The following MAF variants were observed in gnomAD, a reference collection of about 807,000 sequenced individuals.
MAF encodes transcription factor Maf.
Under a neutral mutation model 22.0 loss-of-function variants are expected in MAF, and 10 were observed. The observed-to-expected ratio is 0.45, with a 90% CI of 0.28 to 0.77. The LOEUF (loss-of-function observed/expected upper bound fraction) is 0.77, where lower values mean the gene tolerates loss of function less well. Among genes scored for constraint, MAF ranks in the 30% least tolerant of loss-of-function variants. MAF has a pLI of 0.12. For missense variants in MAF, 544 were observed against 548.4 expected, an observed-to-expected ratio of 0.99 and a Z score of 0.08; for synonymous variants, 337 against 255.8, an observed-to-expected ratio of 1.32 and a Z score of -3.03.
At chr16:79,598,638 T>TAGGGGGCCA (rs1800900827) in intron 1 of MAF, 147 bp downstream of exon 1, 7 of 1,482,298 alleles carry the variant, frequency 4.7e-6, no homozygotes, top group Non-Finnish European at 5.3e-6. Flanking sequence ...TGTGTGTGTG[T>TAGGGGGCCA]AGGGGGCCAA....
At chr16:79,464,521 T>C in the MAF span, among the ~76,000 whole-genome samples, 2 of 152,206 alleles carry the variant, frequency 1.3e-5, no homozygotes, top group Admixed American at 6.5e-5. Context: ...TTTTTAAATG[T>C]CAGTAAGGAA....
At chr16:79,259,062 C>G in the MAF span, among the ~76,000 whole-genome samples, 1 of 152,170 alleles carries the variant, frequency 6.6e-6, no homozygotes, top group African/African-American at 2.4e-5. Flanking sequence ...ATCCTGACAA[C>G]CATCCCCTAA....
At chr16:79,480,653 G>C in the MAF span, among the ~76,000 whole-genome samples, 10 of 152,214 alleles carry the variant, frequency 6.6e-5, no homozygotes, top group Non-Finnish European at 1.3e-4. Context: ...CTCTATCTGA[G>C]ATGGGATCTC....
the MAF span, among the ~76,000 whole-genome samples, chr16:79,443,127 G>A: frequency 6.6e-6 from 1 of 152,106 alleles, no homozygotes; most frequent in Non-Finnish European, 1.5e-5. Flanking sequence ...TCTAATGCCA[G>A]GCAGTCAGGG....
At chr16:79,524,609 T>C in the MAF span, among the ~76,000 whole-genome samples, 2 of 152,192 alleles carry the variant, frequency 1.3e-5, no homozygotes, top group African/African-American at 4.8e-5. Context: ...CATTTTTTAG[T>C]TTGAGTGTGT....
chr16:79,278,223 CA>C, the MAF span, among the ~76,000 whole-genome samples: 3 of 152,254 alleles, frequency 2.0e-5, no homozygotes, highest in Admixed American at 1.3e-4. Flanking sequence ...ATCCTTTGCC[CA>C]AAAAGGGCAG....
the MAF span, among the ~76,000 whole-genome samples, chr16:79,234,591 G>A: frequency 6.6e-6 from 1 of 152,092 alleles, no homozygotes; most frequent in African/African-American, 2.4e-5. Flanking sequence ...GTCGGCTTCA[G>A]GACCTCCCAA....
At chr16:79,325,413 G>T in the MAF span, among the ~76,000 whole-genome samples, 1 of 152,108 alleles carries the variant, frequency 6.6e-6, no homozygotes, top group Non-Finnish European at 1.5e-5. Flanking sequence ...ACTCAGGTAT[G>T]ATCATAATCG....
the MAF span, among the ~76,000 whole-genome samples, chr16:79,284,116 G>A: frequency 2.4e-4 from 37 of 152,222 alleles, no homozygotes; most frequent in African/African-American, 8.4e-4. Context: ...AGAAATTGCT[G>A]GTATTAAGTG....
At chr16:79,578,286 G>A in the MAF span, among the ~76,000 whole-genome samples, 1 of 152,094 alleles carries the variant, frequency 6.6e-6, no homozygotes, top group African/African-American at 2.4e-5. Flanking sequence ...GCTTTGGGGT[G>A]AGTTTTTTTA....
chr16:79,383,229 G>T, the MAF span, among the ~76,000 whole-genome samples: 1 of 152,236 alleles, frequency 6.6e-6, no homozygotes, highest in East Asian at 1.9e-4. Context: ...CTGGGGTGGG[G>T]GCAGGGTGGG....
At chr16:79,469,368 G>C in the MAF span, among the ~76,000 whole-genome samples, 4 of 152,050 alleles carry the variant, frequency 2.6e-5, no homozygotes, top group Non-Finnish European at 5.9e-5. Context: ...CATAAGCTCG[G>C]GATTCAGACA....
At chr16:79,525,344 C>T in the MAF span, among the ~76,000 whole-genome samples, 6 of 152,130 alleles carry the variant, frequency 3.9e-5, no homozygotes, top group East Asian at 1.2e-3. Flanking sequence ...CTTGGCAAGA[C>T]AACAGAAATT....
the MAF span, among the ~76,000 whole-genome samples, chr16:79,263,467 C>T: frequency 6.6e-6 from 1 of 152,164 alleles, no homozygotes; most frequent in Non-Finnish European, 1.5e-5. Flanking sequence ...TGGGCCTGAA[C>T]CATTTGTCCT....
chr16:79,522,160 A>T, the MAF span, among the ~76,000 whole-genome samples: 3 of 152,220 alleles, frequency 2.0e-5, no homozygotes, highest in Admixed American at 6.5e-5. Context: ...GCTCAAGAAC[A>T]CACAGCTACT....
chr16:79,506,446 A>T, the MAF span, among the ~76,000 whole-genome samples: 13 of 152,154 alleles, frequency 8.5e-5, no homozygotes, highest in African/African-American at 3.1e-4. Context: ...CAAGCAAAGC[A>T]GCAGCTGAAG....
the MAF span, among the ~76,000 whole-genome samples, chr16:79,232,824 A>C: frequency 8.0e-5 from 12 of 150,926 alleles, no homozygotes; most frequent in Non-Finnish European, 1.3e-4. Context: ...TGTTATTGTA[A>C]AGATAAGCCA....
chr16:79,574,470 G>C, the MAF span, among the ~76,000 whole-genome samples: 2 of 151,920 alleles, frequency 1.3e-5, no homozygotes, highest in African/African-American at 4.8e-5. Context: ...CATCAACACC[G>C]TTAAAATGAG....
At chr16:79,539,113 T>C in the MAF span, among the ~76,000 whole-genome samples, 3 of 152,254 alleles carry the variant, frequency 2.0e-5, no homozygotes, top group African/African-American at 7.2e-5. Flanking sequence ...ATAATTCTAA[T>C]AAGGTAGTTA....
Sources: gnomAD v4.1 joint callset for allele counts (sites outside exome capture counted in the v4.1 genomes callset) on GRCh38, gnomAD v4.1.1 for gene constraint, MANE v1.5 for transcripts, NCBI Gene and HGNC (gene_info 2026-07-23, HGNC 2026-07-21) for gene names.